KLHL26: variants seen among roughly 807,000 people sequenced by gnomAD.
KLHL26 encodes kelch-like protein 26.
Under a neutral mutation model 7.1 loss-of-function variants are expected in KLHL26, and 4 were observed. The ratio of observed to expected loss-of-function variants is 0.56; its 90% CI spans 0.28 to 1.28. The LOEUF is 1.28. Among genes scored for constraint, KLHL26 ranks in the 50% most tolerant of loss-of-function variants. The pLI is 0.11. For missense variants in KLHL26, 896 were observed against 924.6 expected (o/e 0.97, Z 0.40); for synonymous variants, 465 against 414.1 (o/e 1.12, Z -1.49).
chr19:18,648,015 C>T lies in KLHL26; in HGVS notation c.83+10878C>T, dbSNP rs1339039183. 6.6e-6 allele frequency among the ~76,000 whole-genome samples: 1 copy of T among 152,118 alleles called. No individual in the cohort carries two copies. Among genetic ancestry groups the T allele is most frequent in the African/African-American group, 2.4e-5 (1 of 41,424 alleles). Reference sequence around the variant, plus strand: ...TGCGGTCATTTCCGGGCTGGCTGGGCCAGGGGGCCAGGGCAGGGTTTGGGT... The same window carrying T: ...TGCGGTCATTTCCGGGCTGGCTGGGTCAGGGGGCCAGGGCAGGGTTTGGGT... On this transcript the variant is annotated intron_variant, in intron 1 of 2. Transcript: ENST00000300976. The surrounding 1 kb of genome is among the most constrained non-coding windows in gnomAD (Gnocchi z 4.9).
At position 18,671,292 on chromosome 19, in the gene KLHL26, A is replaced by G. The variant is rs1471712739; in HGVS notation, c.*2047A>G. 2.0e-5 allele frequency: 3 copies of G among 152,238 alleles called. No homozygotes were observed. Among genetic ancestry groups the G allele is most frequent in the Non-Finnish European group, 4.4e-5 (3 of 68,058 alleles). The allele number at this position is 152,238 out of a possible 1,614,324, so 9.4% of individuals were successfully genotyped here. Reference sequence around the variant, plus strand: ...GGGTGGGCAGTGCTAAAATAGGAACATGGTTGGGAACCTAAAAGAAGCCCA... The same window carrying G: ...GGGTGGGCAGTGCTAAAATAGGAACGTGGTTGGGAACCTAAAAGAAGCCCA... On this transcript the variant is annotated 3_prime_UTR_variant, in exon 3 of 3. Transcript: ENST00000300976.
chr19:18,660,848 G>A (rs908233996), intron 1 of KLHL26, among the ~76,000 whole-genome samples: 5 of 152,312 alleles, frequency 3.3e-5, no homozygotes, highest in East Asian at 1.9e-4. Context: ...TGTGGAACGC[G>A]TCAGGCATCA....
At position 18,649,642 on chromosome 19, in the gene KLHL26, A is replaced by G. The variant is rs529689284; in HGVS notation, c.83+12505A>G. On this transcript the variant is annotated intron_variant, in intron 1 of 2. Coordinates refer to ENST00000300976, the MANE Select transcript of KLHL26 (RefSeq NM_018316.3). This position sits in a 1 kb window ranked among gnomAD's most constrained non-coding sequence, Gnocchi z 4.0. Reference sequence around the variant, plus strand: ...GCTGTCTGAAGTGGAAGTGGGGGCCAAGCCCGCTGGGTTCCCGCTGCCGGC... The same window carrying G: ...GCTGTCTGAAGTGGAAGTGGGGGCCGAGCCCGCTGGGTTCCCGCTGCCGGC... 2.6e-5 allele frequency among the ~76,000 whole-genome samples: 4 copies of G among 152,298 alleles called. No individual in the cohort carries two copies. In the South Asian group the frequency reaches 8.3e-4, roughly 32 times the overall value.
intron 1 of KLHL26, among the ~76,000 whole-genome samples, chr19:18,644,912 C>T (rs1976774495): frequency 6.6e-6 from 1 of 152,158 alleles, no homozygotes; most frequent in Non-Finnish European, 1.5e-5. Context: ...CCAGGAGGGA[C>T]TGCGCTCCCC....
At chr19:18,667,319 G>A in intron 2 of KLHL26, 1 of 374,144 alleles carries the variant, frequency 2.7e-6, no homozygotes, top group South Asian at 2.4e-5. Flanking sequence ...ACAGGCGTGA[G>A]CCACTGTGCC....
chr19:18,660,277 G>A (rs2052378948), intron 1 of KLHL26, among the ~76,000 whole-genome samples: 1 of 152,220 alleles, frequency 6.6e-6, no homozygotes, highest in South Asian at 2.1e-4. Context: ...AGCGGCAAGC[G>A]GGTGTCAGAA....
chr19:18,668,706 C>G lies in KLHL26; in HGVS notation c.1309C>G (p.Arg437Gly). 1.3e-6 allele frequency: 2 copies of G among 1,571,744 alleles called. No homozygotes were observed. Among genetic ancestry groups the G allele is most frequent in the Non-Finnish European group, 1.7e-6 (2 of 1,163,490 alleles). Reference sequence around the variant, plus strand: ...CTCCGTGGAGCGGTACTGCCCCCGGCGCAATGAGTGGGGCTACGCCTGCTC... The same window carrying G: ...CTCCGTGGAGCGGTACTGCCCCCGGGGCAATGAGTGGGGCTACGCCTGCTC... The part of the protein sequence containing the change: ...LASVERYCPR[R>G]NEWGYACSLK... The change falls in exon 3 of 3, where the codon CGC becomes GGC. Residue 437 changes from arginine (R) to glycine (G), a missense_variant. Coordinates refer to ENST00000300976, the MANE Select transcript of KLHL26 (RefSeq NM_018316.3).
chr19:18,654,075 C>T (rs2145391198), intron 1 of KLHL26, among the ~76,000 whole-genome samples: 1 of 139,928 alleles, frequency 7.1e-6, no homozygotes, highest in Non-Finnish European at 1.6e-5. Flanking sequence ...ATCCAGCCAT[C>T]CACCCACCCT....
intron 1 of KLHL26, among the ~76,000 whole-genome samples, chr19:18,641,232 A>G (rs1465220305): frequency 6.6e-6 from 1 of 151,450 alleles, no homozygotes; most frequent in African/African-American, 2.4e-5. Flanking sequence ...ATGATGTTGG[A>G]CAGTTTTTCA....
At chr19:18,664,498 A>T (rs1478112614) in intron 2 of KLHL26, 55 bp downstream of exon 2, 1 of 1,412,132 alleles carries the variant, frequency 7.1e-7, no homozygotes, top group African/African-American at 1.4e-5. Flanking sequence ...GGACAGGGAC[A>T]GGGCAGATGG....
At position 18,649,101 on chromosome 19, in the gene KLHL26, C is replaced by T. The variant is rs149205728; in HGVS notation, c.83+11964C>T. 6.5e-4 allele frequency among the ~76,000 whole-genome samples: 99 copies of T among 152,324 alleles called. No homozygotes were observed. Among genetic ancestry groups the T allele is most frequent in the African/African-American group, 2.3e-3 (96 of 41,574 alleles). ...GAATGTCCTGTCCCAGTGATTTGCA[C>T]GGCTCAAGTGTTGTCTCCTCGGGGC... On this transcript the variant is annotated intron_variant, in intron 1 of 2. Transcript: ENST00000300976. The surrounding 1 kb of genome is among the most constrained non-coding windows in gnomAD (Gnocchi z 4.0).
rs112689919 is a variant in KLHL26 at position 18,668,792 on chromosome 19, G to T, written c.1395G>T (p.Ser465=). The T allele has an allele frequency of 3.9e-5, 63 of 1,595,822 alleles. No individual in the cohort carries two copies. The highest frequency in any genetic ancestry group is 5.3e-5 in the Non-Finnish European group (62 of 1,178,034). Residue 465 remains serine (S), a synonymous_variant, in exon 3 of 3, where the codon TCG becomes TCT. Coordinates refer to ENST00000300976, the MANE Select transcript of KLHL26 (RefSeq NM_018316.3). ...GAASGGRLYI[S]GGYGISVEDK... ...CCTCAGGGGGCCGCCTCTACATCTC[G>T]GGTGGCTACGGGATCTCAGTGGAGG...
chr19:18,669,110 C>G lies in KLHL26; in HGVS notation c.1713C>G (p.Leu571=), dbSNP rs2052496404. The G allele has an allele frequency of 6.2e-7, 1 of 1,612,812 alleles. No individual in the cohort carries two copies. The highest frequency in any genetic ancestry group is 1.1e-5 in the South Asian group (1 of 91,094). Residue 571 remains leucine, a synonymous_variant, in exon 3 of 3, where the codon CTC becomes CTG. Coordinates refer to ENST00000300976, the MANE Select transcript of KLHL26 (RefSeq NM_018316.3). Reference sequence around the variant, plus strand: ...TCGTCGGGGGCTACAACTGGCGTCTCAACAACGTCACGGGCATCGTACAGG... The same window carrying G: ...TCGTCGGGGGCTACAACTGGCGTCTGAACAACGTCACGGGCATCGTACAGG... ...IYIVGGYNWR[L]NNVTGIVQVY...
At chr19:18,647,290 G>A (rs1976821574) in intron 1 of KLHL26, among the ~76,000 whole-genome samples, 2 of 152,220 alleles carry the variant, frequency 1.3e-5, no homozygotes, top group Admixed American at 6.5e-5. Flanking sequence ...GGGGAAGAAA[G>A]GCTTTATTAC....
rs1038016907 is a variant in KLHL26, at chr19:18,648,231, G to A, written c.83+11094G>A. On this transcript the variant is annotated intron_variant, in intron 1 of 2. Transcript: ENST00000300976. The surrounding 1 kb of genome is among the most constrained non-coding windows in gnomAD (Gnocchi z 4.9). ...TAAAAATACACAAAACTAGCTGGGC[G>A]CAGTGGCGGGTGCTTGTAGTCCCAG... Among the ~76,000 whole-genome samples the A allele has an allele frequency of 1.3e-5, 2 of 152,210 alleles. No individual in the cohort carries two copies. Among genetic ancestry groups the A allele is most frequent in the Non-Finnish European group, 2.9e-5 (2 of 68,028 alleles).
chr19:18,663,085 G>A (rs1479964772), intron 1 of KLHL26, among the ~76,000 whole-genome samples: 3 of 152,190 alleles, frequency 2.0e-5, no homozygotes, highest in Admixed American at 6.5e-5. Flanking sequence ...TGGGCTCTGA[G>A]TAGCATATGT....
rs746002153 is a variant in KLHL26 at position 18,668,759 on chromosome 19, T to TGGGGCCGCCTCAG, written c.1374_1386dup (p.Tyr463ArgfsTer168). The TGGGGCCGCCTCAG allele has an allele frequency of 6.3e-7, 1 of 1,591,138 alleles. No individual in the cohort carries two copies. Among genetic ancestry groups the TGGGGCCGCCTCAG allele is most frequent in the Non-Finnish European group, 8.5e-7 (1 of 1,175,458 alleles). The stretch of plus-strand genomic sequence containing the variant: ...TGAAGCGCCGTACCTGGGGCCATGC[T>TGGGGCCGCCTCAG]GGGGCCGCCTCAGGGGGCCGCCTCT... On this transcript the variant is annotated frameshift_variant, in exon 3 of 3. Transcript: ENST00000300976. LOFTEE classifies it low-confidence loss of function (END_TRUNC).
rs749551307 is a variant in KLHL26 at position 18,668,915 on chromosome 19, C to T, written c.1518C>T (p.Ala506=). Residue 506 remains alanine (A), a synonymous_variant, in exon 3 of 3, where the codon GCC becomes GCT. Coordinates refer to ENST00000300976, the MANE Select transcript of KLHL26 (RefSeq NM_018316.3). Reference sequence around the variant, plus strand: ...GCGTGCTACACGCCATGGTGGGTGCCGGCGGCCGCATCTATGCCCTCGGGG... The same window carrying T: ...GCGTGCTACACGCCATGGTGGGTGCTGGCGGCCGCATCTATGCCCTCGGGG... ...EPRVLHAMVG[A]GGRIYALGGR... is the part of the protein sequence containing the mutation. 1.1e-5 allele frequency: 18 copies of T among 1,605,556 alleles called. No individual in the cohort carries two copies. Among genetic ancestry groups the T allele is most frequent in the Admixed American group, 1.7e-5 (1 of 59,938 alleles).
intron 1 of KLHL26, among the ~76,000 whole-genome samples, chr19:18,654,394 C>T (rs536022466): frequency 8.6e-5 from 13 of 150,756 alleles, no homozygotes; most frequent in Admixed American, 2.6e-4. Context: ...TCCACCTGCC[C>T]GTCCAGCCAC....
Sources: gnomAD v4.1 joint callset for allele counts (sites outside exome capture counted in the v4.1 genomes callset) on GRCh38, gnomAD v4.1.1 for gene constraint, Gnocchi (gnomAD v3.1) non-coding constraint, MANE v1.5 for transcripts, NCBI Gene and HGNC (gene_info 2026-07-23, HGNC 2026-07-21) for gene names.